The following PARK7 variants were observed in gnomAD, a reference collection of about 807,000 sequenced individuals.
The protein encoded by PARK7 is Parkinsonism associated deglycase.
Under a neutral mutation model 20.5 loss-of-function variants are expected in PARK7, and 14 were observed. That is an observed-to-expected ratio of 0.68 (90% CI 0.45 to 1.07). PARK7 has a LOEUF of 1.07. PARK7 is among the 50% of genes least tolerant of loss of function. The probability of loss-of-function intolerance (pLI) is 0.00; values close to 1 mark genes in which losing one functional copy is unlikely to be tolerated. For missense variants in PARK7, 234 were observed against 238.1 expected, an observed-to-expected ratio of 0.98 and a Z score of 0.11; for synonymous variants, 98 against 84.3, an observed-to-expected ratio of 1.16 and a Z score of -0.89.
chr1:7,963,989 G>C (rs574991576), intron 2 of PARK7, among the ~76,000 whole-genome samples: 2 of 151,924 alleles, frequency 1.3e-5, no homozygotes, highest in East Asian at 3.9e-4. Context: ...CTAATTTTTT[G>C]TATTTTTAGT....
intron 3 of PARK7, among the ~76,000 whole-genome samples, chr1:7,966,567 G>A (rs934471888): frequency 3.3e-5 from 5 of 151,948 alleles, no homozygotes; most frequent in African/African-American, 1.2e-4. Context: ...GTGTGGTGGT[G>A]CATGCCTGTA....
intron 5 of PARK7, among the ~76,000 whole-genome samples, chr1:7,974,477 A>C (rs943814777): frequency 2.6e-4 from 40 of 151,772 alleles, no homozygotes; most frequent in African/African-American, 8.7e-4. Flanking sequence ...AAAATACAAA[A>C]AATTAGCCAG....
At chr1:7,980,688 T>A (rs1357296630) in intron 6 of PARK7, among the ~76,000 whole-genome samples, 1 of 152,166 alleles carries the variant, frequency 6.6e-6, no homozygotes, top group African/African-American at 2.4e-5. Context: ...TAACCTCTAT[T>A]ATAAGAAATG....
chr1:7,962,480 A>G (rs774048636), intron 1 of PARK7, among the ~76,000 whole-genome samples: 19 of 152,200 alleles, frequency 1.2e-4, no homozygotes, highest in Admixed American at 5.2e-4. Context: ...TTTGCAACAT[A>G]CTATTAAAGT....
chr1:7,972,857 G>A (rs1640493411), intron 5 of PARK7, among the ~76,000 whole-genome samples: 1 of 152,138 alleles, frequency 6.6e-6, no homozygotes, highest in African/African-American at 2.4e-5. Context: ...TGGCTAACAT[G>A]GTGAAACCCC....
intron 4 of PARK7, 36 bp downstream of exon 4, chr1:7,969,440 T>TGG (rs147617838): frequency 5.3e-5 from 42 of 790,264 alleles, no homozygotes; most frequent in South Asian, 3.5e-4. Flanking sequence ...TCAATAAAGC[T>TGG]GGGGGGGGGG....
intron 3 of PARK7, among the ~76,000 whole-genome samples, chr1:7,966,758 T>C (rs565507970): frequency 1.3e-5 from 2 of 152,202 alleles, no homozygotes; most frequent in Non-Finnish European, 2.9e-5. Context: ...TTTGTGTTTT[T>C]GTCATATGAT....
intron 3 of PARK7, among the ~76,000 whole-genome samples, chr1:7,967,837 TTGAGCCCAGGAGTTCAAGGCTGTAG>T (rs1183522888): frequency 6.6e-6 from 1 of 152,092 alleles, no homozygotes; most frequent in Non-Finnish European, 1.5e-5. Context: ...GGAGAGTTGC[TTGAGCCCAGGAGTTCAAGGCTGTAG>T]TGAGCCACGA....
At position 7,984,323 on chromosome 1, in the gene PARK7, A is replaced by G. The variant is rs1265517992; in HGVS notation, c.410-571A>G. 6.6e-6 allele frequency among the ~76,000 whole-genome samples: 1 copy of G among 152,308 alleles called. No homozygotes were observed. Among genetic ancestry groups the G allele is most frequent in the East Asian group, 1.9e-4 (1 of 5,188 alleles). On this transcript the variant is annotated intron_variant, in intron 6 of 6. Coordinates refer to ENST00000338639, the MANE Select transcript of PARK7 (RefSeq NM_007262.5). This position sits in a 1 kb window ranked among gnomAD's most constrained non-coding sequence, Gnocchi z 4.3. ...GCTTAAGAGTCCCAGTTTTGGTATT[A>G]TATTTGCCAAGAAATAGCCAACCGG...
intron 6 of PARK7, among the ~76,000 whole-genome samples, chr1:7,981,859 C>T (rs144560379): frequency 0.061 from 9,124 of 150,540 alleles, 901 homozygotes; most frequent in African/African-American, 0.21. Flanking sequence ...GGGGTTTCAT[C>T]GTGTTAGCCA....
intron 6 of PARK7, among the ~76,000 whole-genome samples, chr1:7,981,364 GAA>G (rs1455965170): frequency 6.6e-6 from 1 of 152,334 alleles, no homozygotes; most frequent in East Asian, 1.9e-4. Flanking sequence ...CATTTTACCA[GAA>G]AGTGAAGCTC....
chr1:7,979,888 G>T (rs1465610513), intron 6 of PARK7, among the ~76,000 whole-genome samples: 1 of 152,176 alleles, frequency 6.6e-6, no homozygotes, highest in Non-Finnish European at 1.5e-5. Flanking sequence ...TGGATGCAGT[G>T]ACTCACGCCT....
At chr1:7,978,715 G>C (rs150464608) in intron 6 of PARK7, among the ~76,000 whole-genome samples, 3 of 152,088 alleles carry the variant, frequency 2.0e-5, no homozygotes, top group Non-Finnish European at 4.4e-5. Context: ...GCATGGTGAT[G>C]CACACTGGTA....
At chr1:7,965,850 C>T (rs1294694791) in intron 3 of PARK7, among the ~76,000 whole-genome samples, 2 of 152,162 alleles carry the variant, frequency 1.3e-5, no homozygotes, top group Non-Finnish European at 2.9e-5. Flanking sequence ...CACTCTCTCC[C>T]CTAGGCTGGA....
intron 2 of PARK7, among the ~76,000 whole-genome samples, chr1:7,963,420 G>A (rs1171035167): frequency 6.9e-6 from 1 of 144,698 alleles, no homozygotes; most frequent in African/African-American, 2.6e-5. Context: ...GTCTCTCTGT[G>A]TCGCTCAGCC....
At chr1:7,966,963 G>A (rs1350323249) in intron 3 of PARK7, among the ~76,000 whole-genome samples, 2 of 152,108 alleles carry the variant, frequency 1.3e-5, no homozygotes, top group Non-Finnish European at 2.9e-5. Context: ...AACTATATAT[G>A]ATTGTTAACT....
At position 7,970,899 on chromosome 1, in the gene PARK7, T is replaced by C; in HGVS notation, c.258T>C (p.Ala86=). ...TTTGGTTTTCTTTTCACTAGTCTGC[T>C]GCTGTGAAGGAGATACTGAAGGAGC... The part of the protein sequence containing the change: ...NLGAQNLSES[A]AVKEILKEQE... The change falls in exon 5 of 7, where the codon GCT becomes GCC. Residue 86 remains alanine (A), a synonymous_variant. Transcript: ENST00000338639. 1.9e-6 allele frequency: 3 copies of C among 1,614,216 alleles called. No individual in the cohort carries two copies. Among genetic ancestry groups the C allele is most frequent in the East Asian group, 2.2e-5 (1 of 44,888 alleles).
At chr1:7,972,491 T>G (rs2151433305) in intron 5 of PARK7, among the ~76,000 whole-genome samples, 1 of 152,290 alleles carries the variant, frequency 6.6e-6, no homozygotes, top group South Asian at 2.1e-4. Context: ...TTTTTTCTTC[T>G]CAGTCTTTCA....
intron 4 of PARK7, 101 bp from the exon 5 acceptor site, chr1:7,970,793 T>A: frequency 9.3e-7 from 1 of 1,075,264 alleles, no homozygotes; most frequent in Non-Finnish European, 1.4e-6. Flanking sequence ...TCAGAGAGCT[T>A]GTGGTTTAAA....
Sources: allele counts gnomAD v4.1 joint callset (sites outside exome capture counted in the v4.1 genomes callset), GRCh38; gene constraint gnomAD v4.1.1; non-coding constraint Gnocchi (gnomAD v3.1); transcripts MANE v1.5; gene names NCBI Gene and HGNC (gene_info 2026-07-23, HGNC 2026-07-21).